Variants in KCNT2 observed in about 807,000 individuals in gnomAD.
KCNT2 encodes potassium sodium-activated channel subfamily T member 2.
In KCNT2, 67 loss-of-function variants were observed where a neutral mutation model predicts 153.8. That is an observed-to-expected ratio of 0.44 (90% confidence interval 0.36 to 0.53). The LOEUF is 0.53. KCNT2 is among the 20% of genes least tolerant of loss of function. KCNT2 has a pLI of 0.00. For missense variants in KCNT2, 975 were observed against 1,354.8 expected, an observed-to-expected ratio of 0.72 and a Z score of 4.40; for synonymous variants, 500 against 458.8, an observed-to-expected ratio of 1.09 and a Z score of -1.15.
chr1:196,391,608 T>C (rs1336928509), intron 13 of KCNT2, among the ~76,000 whole-genome samples: 1 of 151,386 alleles, frequency 6.6e-6, no homozygotes, highest in East Asian at 1.9e-4. Context: ...TGTCTCAAAA[T>C]ACCTAATATC....
At chr1:196,274,290 T>C (rs753531508) in intron 25 of KCNT2, among the ~76,000 whole-genome samples, 9 of 151,656 alleles carry the variant, frequency 5.9e-5, no homozygotes, top group South Asian at 2.1e-4. Context: ...TTTTCAAGTA[T>C]ATTATTTGAT....
At chr1:196,274,822 C>T (rs189303064) in intron 25 of KCNT2, among the ~76,000 whole-genome samples, 126 of 151,878 alleles carry the variant, frequency 8.3e-4, no homozygotes, top group Non-Finnish European at 1.5e-3. Flanking sequence ...TTATAGTATA[C>T]TTCAAACAAA....
chr1:196,549,922 A>G (rs1219665060), intron 1 of KCNT2, among the ~76,000 whole-genome samples: 10 of 151,894 alleles, frequency 6.6e-5, no homozygotes, highest in Admixed American at 5.9e-4. Flanking sequence ...AAGCAGAAAT[A>G]GGCTGAGAAA....
chr1:196,590,127 C>T (rs1363567757), intron 1 of KCNT2, among the ~76,000 whole-genome samples: 5 of 152,150 alleles, frequency 3.3e-5, no homozygotes, highest in Admixed American at 3.3e-4. Flanking sequence ...AGTAAACACA[C>T]TGTGACCCTC....
At chr1:196,253,198 A>T (rs542078983) in intron 26 of KCNT2, among the ~76,000 whole-genome samples, 1 of 151,272 alleles carries the variant, frequency 6.6e-6, no homozygotes, top group Non-Finnish European at 1.5e-5. Context: ...ACATTAGTTG[A>T]TATTGTCCCA....
intron 12 of KCNT2, among the ~76,000 whole-genome samples, chr1:196,399,523 T>C (rs1313622056): frequency 6.6e-6 from 1 of 151,654 alleles, no homozygotes; most frequent in African/African-American, 2.4e-5. Flanking sequence ...TATTAGAAAG[T>C]GGAGGTATAG....
intron 1 of KCNT2, among the ~76,000 whole-genome samples, chr1:196,570,598 A>C (rs996972533): frequency 6.6e-6 from 1 of 152,118 alleles, no homozygotes; most frequent in Admixed American, 6.5e-5. Context: ...AATACTTTAT[A>C]CATGTTATAA....
intron 14 of KCNT2, among the ~76,000 whole-genome samples, chr1:196,364,263 A>G (rs959533350): frequency 2.0e-5 from 3 of 152,164 alleles, no homozygotes; most frequent in Non-Finnish European, 4.4e-5. Flanking sequence ...GTGTAAGTTT[A>G]AAATTGGTTC....
intron 1 of KCNT2, among the ~76,000 whole-genome samples, chr1:196,593,552 G>A (rs945396608): frequency 1.3e-5 from 2 of 151,456 alleles, no homozygotes; most frequent in African/African-American, 4.9e-5. Flanking sequence ...GAGTATAATC[G>A]GATTTTTTGT....
chr1:196,470,344 G>C (rs1185722763), intron 5 of KCNT2, among the ~76,000 whole-genome samples: 1 of 152,246 alleles, frequency 6.6e-6, no homozygotes, highest in Middle Eastern at 3.4e-3. Context: ...ATAATAACAG[G>C]ACACAATCCC....
At chr1:196,292,630 C>G (rs1277956069) in intron 22 of KCNT2, among the ~76,000 whole-genome samples, 1 of 151,870 alleles carries the variant, frequency 6.6e-6, no homozygotes, top group South Asian at 2.1e-4. Flanking sequence ...CGCGGTGAAA[C>G]CCCGTCTCTA....
intron 1 of KCNT2, among the ~76,000 whole-genome samples, chr1:196,534,808 A>G (rs1470220351): frequency 1.3e-5 from 2 of 152,202 alleles, no homozygotes; most frequent in Non-Finnish European, 1.5e-5. Context: ...AAATGACCCA[A>G]CTTCACTGAT....
intron 15 of KCNT2, 42 bp from the exon 16 acceptor site, chr1:196,340,612 A>G (rs1665528530): frequency 8.3e-7 from 1 of 1,198,930 alleles, no homozygotes; most frequent in African/African-American, 1.5e-5. Flanking sequence ...AAATTAGTAA[A>G]TTATTGTAAG....
intron 13 of KCNT2, among the ~76,000 whole-genome samples, chr1:196,378,882 G>A (rs1391380182): frequency 1.3e-5 from 2 of 148,654 alleles, no homozygotes; most frequent in South Asian, 2.1e-4. Context: ...TAGAACCATC[G>A]CTAAAACTAC....
Position 196,282,365 on chromosome 1 carries a change from TAAAC to T in KCNT2, c.2698-13_2698-10del, listed in dbSNP as rs550636021. On this transcript the variant is annotated splice_polypyrimidine_tract_variant and intron_variant, in intron 23 of 27. Transcript: ENST00000294725. Reference sequence around the variant, plus strand: ...TAATCCTTCACAAATGACTGCAATATAAACAAACAAACAATATATAAATGTATAT... The same window carrying T: ...TAATCCTTCACAAATGACTGCAATATAAACAAACAATATATAAATGTATAT... The T allele has an allele frequency of 2.2e-4, 305 of 1,414,218 alleles. 1 individual carries two copies. In the East Asian group the frequency reaches 3.4e-3, roughly 16 times the overall value. The allele number at this position is 1,414,218 out of a possible 1,614,324, so 87.6% of individuals were successfully genotyped here.
At chr1:196,256,347 C>A (rs915503816) in intron 26 of KCNT2, among the ~76,000 whole-genome samples, 4 of 151,868 alleles carry the variant, frequency 2.6e-5, no homozygotes, top group Admixed American at 1.3e-4. Context: ...TTAAGCCAAA[C>A]AAAAATGACA....
At chr1:196,526,904 G>C (rs909731550) in intron 1 of KCNT2, among the ~76,000 whole-genome samples, 1 of 152,076 alleles carries the variant, frequency 6.6e-6, no homozygotes, top group Admixed American at 6.6e-5. Context: ...CCTCAGACTA[G>C]TACCAGTCTG....
At chr1:196,461,880 T>C (rs1677183207) in intron 8 of KCNT2, among the ~76,000 whole-genome samples, 1 of 151,718 alleles carries the variant, frequency 6.6e-6, no homozygotes, top group Admixed American at 6.6e-5. Flanking sequence ...TGCATATTGA[T>C]AGTTCTTTGT....
At chr1:196,404,552 C>A (rs965773566) in intron 12 of KCNT2, among the ~76,000 whole-genome samples, 1 of 151,544 alleles carries the variant, frequency 6.6e-6, no homozygotes, top group Admixed American at 6.6e-5. Context: ...GGACCATTTG[C>A]CAAGAACATT....
Sources: allele counts gnomAD v4.1 joint callset (sites outside exome capture counted in the v4.1 genomes callset), GRCh38; gene constraint gnomAD v4.1.1; transcripts MANE v1.5; gene names NCBI Gene and HGNC (gene_info 2026-07-23, HGNC 2026-07-21).